NHS: variants seen among roughly 807,000 people sequenced by gnomAD.
The protein encoded by NHS is NHS actin remodeling regulator, also known as actin remodeling regulator NHS.
Under a neutral mutation model 72.5 loss-of-function variants are expected in NHS, and 5 were observed. The ratio of observed to expected loss-of-function variants is 0.07; its 90% CI spans 0.04 to 0.14. The LOEUF (loss-of-function observed/expected upper bound fraction) is 0.14, where lower values mean the gene tolerates loss of function less well. NHS is among the 10% of genes least tolerant of loss of function. The pLI is 1.00. For missense variants in NHS, 1,072 were observed against 1,355.7 expected (o/e 0.79, Z 3.29); for synonymous variants, 464 against 547.7 (o/e 0.85, Z 2.13).
intron 1 of NHS, among the ~76,000 whole-genome samples, chrX:17,596,041 CA>C (rs11325153): frequency 0.39 from 40,166 of 103,674 alleles, 5,698 homozygotes; most frequent in East Asian, 0.7. Context: ...TCCCTCCCTC[CA>C]AAAAAAAAAA....
At chrX:17,581,956 G>A (rs971519835) in intron 1 of NHS, among the ~76,000 whole-genome samples, 1 of 111,846 alleles carries the variant, frequency 8.9e-6, no homozygotes, top group African/African-American at 3.2e-5. Context: ...GAATTGCAGA[G>A]TGAGAAAGTT....
chrX:17,535,223 C>T (rs539900635), intron 1 of NHS, among the ~76,000 whole-genome samples: 2 of 111,873 alleles, frequency 1.8e-5, no homozygotes, highest in Admixed American at 9.5e-5. Context: ...GAGATTTTGT[C>T]CCTCTTCTAT....
chrX:17,541,280 T>G (rs764519817), intron 1 of NHS, among the ~76,000 whole-genome samples: 44 of 112,237 alleles, frequency 3.9e-4, no homozygotes, highest in African/African-American at 1.0e-3. Flanking sequence ...TCAGATAGTC[T>G]GACTTCAGAG....
At chrX:17,636,784 CAGG>C (rs1375139589) in intron 1 of NHS, among the ~76,000 whole-genome samples, 1 of 112,145 alleles carries the variant, frequency 8.9e-6, no homozygotes, top group African/African-American at 3.2e-5. Context: ...TAAGATCGCT[CAGG>C]AGAAGAAGGA....
chrX:17,731,774 A>G (rs1445007637), intron 8 of NHS, 84 bp from the exon 9 acceptor site: 20 of 1,111,535 alleles, frequency 1.8e-5, no homozygotes, highest in Non-Finnish European at 2.4e-5. Flanking sequence ...CTTTAGACAG[A>G]TGTGTGAATG....
At chrX:17,655,723 G>A (rs1371592008) in intron 1 of NHS, among the ~76,000 whole-genome samples, 2 of 112,733 alleles carry the variant, frequency 1.8e-5, no homozygotes, top group Non-Finnish European at 3.8e-5. Flanking sequence ...CGATCCCAGC[G>A]TGGCCCCAGG....
intron 1 of NHS, among the ~76,000 whole-genome samples, chrX:17,498,679 G>A (rs1180215396): frequency 9.0e-6 from 1 of 111,522 alleles, no homozygotes; most frequent in Non-Finnish European, 1.9e-5. Flanking sequence ...TGAGCATCTG[G>A]AAAAACAAGA....
Position 17,727,891 on chromosome X carries a change from C to A in NHS, c.3785C>A (p.Thr1262Lys), listed in dbSNP as rs141013518. 2 of 1,211,796 alleles carry A rather than the reference C, an allele frequency of 1.7e-6. No individual in the cohort carries two copies. Among genetic ancestry groups the A allele is most frequent in the Non-Finnish European group, 1.1e-6 (1 of 895,542 alleles). ...GAGACTGAGCCTATTCCAGAAAACA[C>A]GCCAACCAAAAACTGTGCTTTTCCC... ...RTETEPIPEN[T>K]PTKNCAFPTE... Residue 1262 changes from threonine to lysine, a missense_variant, in exon 7 of 9, where the codon ACG (threonine) becomes AAG (lysine). By Grantham distance (78) the Thr-to-Lys change is moderately conservative. Coordinates refer to ENST00000676302, the MANE Select transcript of NHS (RefSeq NM_001291867.2).
intron 1 of NHS, among the ~76,000 whole-genome samples, chrX:17,533,624 G>C (rs1323290605): frequency 9.1e-6 from 1 of 110,009 alleles, no homozygotes; most frequent in African/African-American, 3.5e-5. Context: ...AGCAATCAGG[G>C]AATAATCACT....
intron 1 of NHS, among the ~76,000 whole-genome samples, chrX:17,662,510 G>C (rs2065987323): frequency 9.0e-6 from 1 of 111,636 alleles, no homozygotes; most frequent in African/African-American, 3.3e-5. Flanking sequence ...TCAAATTAAG[G>C]CTATAATTAT....
intron 1 of NHS, among the ~76,000 whole-genome samples, chrX:17,524,196 A>T (rs748131614): frequency 1.8e-5 from 2 of 112,014 alleles, no homozygotes; most frequent in African/African-American, 3.2e-5. Flanking sequence ...CTAATTGTTC[A>T]TATTTTGTTG....
At chrX:17,616,329 ATC>A (rs2065746905) in intron 1 of NHS, among the ~76,000 whole-genome samples, 1 of 112,502 alleles carries the variant, frequency 8.9e-6, no homozygotes, top group East Asian at 2.8e-4. Context: ...ATGTATGCGC[ATC>A]TGTGACAACA....
At chrX:17,647,895 C>T (rs1030716219) in intron 1 of NHS, among the ~76,000 whole-genome samples, 14 of 111,540 alleles carry the variant, frequency 1.3e-4, no homozygotes, top group East Asian at 5.6e-4. Context: ...GAATCCTTTC[C>T]GAACTGGCAC....
intron 1 of NHS, among the ~76,000 whole-genome samples, chrX:17,511,553 C>G (rs1417415689): frequency 9.0e-6 from 1 of 111,679 alleles, no homozygotes; most frequent in Non-Finnish European, 1.9e-5. Flanking sequence ...GAATTTGATT[C>G]AATAGATGTA....
At chrX:17,656,121 G>C (rs1463493316) in intron 1 of NHS, among the ~76,000 whole-genome samples, 2 of 113,524 alleles carry the variant, frequency 1.8e-5, no homozygotes, top group South Asian at 3.6e-4. Context: ...CTGCTGCTTC[G>C]CTGCGGAGCC....
At chrX:17,699,725 A>C (rs2066250861) in intron 3 of NHS, among the ~76,000 whole-genome samples, 1 of 112,070 alleles carries the variant, frequency 8.9e-6, no homozygotes, top group Admixed American at 9.5e-5. Context: ...GCATACTACC[A>C]TACACAACAG....
chrX:17,585,099 A>G (rs1178186154), intron 1 of NHS, among the ~76,000 whole-genome samples: 1 of 112,188 alleles, frequency 8.9e-6, no homozygotes, highest in Non-Finnish European at 1.9e-5. Flanking sequence ...CAGGGATTAT[A>G]GGCATGAGCC....
intron 1 of NHS, among the ~76,000 whole-genome samples, chrX:17,389,586 CTTATTTAT>C (rs554552712): frequency 9.8e-5 from 10 of 102,339 alleles, no homozygotes; most frequent in East Asian, 6.2e-4. Flanking sequence ...CTTTTATTTT[CTTATTTAT>C]TTATTTATTT....
At chrX:17,722,220 G>A (rs1384241186) in intron 5 of NHS, among the ~76,000 whole-genome samples, 1 of 111,747 alleles carries the variant, frequency 8.9e-6, no homozygotes, top group Non-Finnish European at 1.9e-5. Flanking sequence ...GTGAATATTA[G>A]TCTAGATAGA....
Sources: gnomAD v4.1 joint callset for allele counts (sites outside exome capture counted in the v4.1 genomes callset) on GRCh38, gnomAD v4.1.1 for gene constraint, MANE v1.5 for transcripts, NCBI Gene and HGNC (gene_info 2026-07-23, HGNC 2026-07-21) for gene names.